The following NFYC variants were observed in gnomAD, a reference collection of about 807,000 sequenced individuals.
NFYC encodes the protein CAAT box DNA-binding protein subunit C.
In NFYC, 25 loss-of-function variants were observed where a neutral mutation model predicts 53.1. That is an observed-to-expected ratio of 0.47 (90% CI 0.34 to 0.66). The LOEUF (loss-of-function observed/expected upper bound fraction) is 0.66, where lower values mean the gene tolerates loss of function less well. NFYC is among the 30% of genes least tolerant of loss of function. NFYC has a pLI of 0.01. For synonymous variants in NFYC, 145 were observed against 152.6 expected, an observed-to-expected ratio of 0.95 and a Z score of 0.37; for missense variants, 260 against 422.7, an observed-to-expected ratio of 0.62 and a Z score of 3.38.
chr1:40,758,383 C>A, intron 6 of NFYC, 89 bp downstream of exon 6: 1 of 1,365,522 alleles, frequency 7.3e-7, no homozygotes, highest in South Asian at 1.5e-5. Context: ...AGAGAGGCAG[C>A]CAGATCATTA....
intron 4 of NFYC, among the ~76,000 whole-genome samples, chr1:40,752,907 T>C (rs113250363): frequency 0.027 from 4,136 of 152,146 alleles, 75 homozygotes; most frequent in Middle Eastern, 0.048. Context: ...TAGCAGTGGT[T>C]GGAGGCTCAG....
chr1:40,771,020 C>CT lies in NFYC; in HGVS notation c.*199dup, dbSNP rs1647061226. The stretch of plus-strand genomic sequence containing the variant: ...AGAAAGATGCAATATTTTTTGTTTC[C>CT]TTTTTTTCCATTTTTTTCTCTAAGG... On this transcript the variant is annotated 3_prime_UTR_variant, in exon 10 of 10. Coordinates refer to ENST00000447388, the MANE Select transcript of NFYC (RefSeq NM_014223.5). 5 of 611,292 alleles carry CT rather than the reference C, an allele frequency of 8.2e-6. No individual in the cohort carries two copies. In the East Asian group the frequency reaches 1.1e-4, roughly 14 times the overall value. The allele number at this position is 611,292 out of a possible 1,614,324, so 37.9% of individuals were successfully genotyped here.
chr1:40,766,592 C>A lies in NFYC; in HGVS notation c.721-4C>A. ...TGGTCTCTTTGTCTCTGCCCCTGCCCTAGGTGCAGCTGAATGCCGGCCAGC... is the reference window on the plus strand; with the variant it reads ...TGGTCTCTTTGTCTCTGCCCCTGCCATAGGTGCAGCTGAATGCCGGCCAGC... On this transcript the variant is annotated splice_polypyrimidine_tract_variant and splice_region_variant and intron_variant, in intron 7 of 9. Transcript: ENST00000447388. The A allele has an allele frequency of 6.2e-7, 1 of 1,611,682 alleles. No individual in the cohort carries two copies. The highest frequency in any genetic ancestry group is 1.3e-5 in the African/African-American group (1 of 74,982).
chr1:40,725,861 G>A (rs1309298942), intron 1 of NFYC, among the ~76,000 whole-genome samples: 1 of 152,170 alleles, frequency 6.6e-6, no homozygotes, highest in African/African-American at 2.4e-5. Context: ...GTTTCCCAGT[G>A]CAAATAGAAG....
intron 1 of NFYC, among the ~76,000 whole-genome samples, chr1:40,700,350 T>C (rs113320293): frequency 0.016 from 2,422 of 152,344 alleles, 25 homozygotes; most frequent in Non-Finnish European, 0.025. Context: ...TTACTTTAAT[T>C]AATTTTTTTG....
intron 2 of NFYC, among the ~76,000 whole-genome samples, chr1:40,741,757 C>G (rs755254352): frequency 3.3e-5 from 5 of 151,990 alleles, no homozygotes; most frequent in Admixed American, 1.3e-4. Flanking sequence ...TGCACGCCAC[C>G]ACACCCAGCT....
chr1:40,770,249 A>T lies in NFYC; in HGVS notation c.889-460A>T. 1.3e-6 allele frequency: 1 copy of T among 790,168 alleles called. No individual in the cohort carries two copies. The highest frequency in any genetic ancestry group is 2.0e-6 in the Non-Finnish European group (1 of 508,852). 48.9% of individuals were successfully genotyped at this position (790,168 alleles called of 1,614,324 possible). A position where few individuals can be genotyped will look rare whatever the true frequency, so the allele number is the denominator to read the frequency against. On this transcript the variant is annotated intron_variant, in intron 9 of 9. Transcript: ENST00000447388. The surrounding 1 kb of genome is among the most constrained non-coding windows in gnomAD (Gnocchi z 5.3). Reference sequence around the variant, plus strand: ...CATGGAGAAAATTCAAATTCAGTTTAGTTTCAACCTGAGCCAGATATTCTG... The same window carrying T: ...CATGGAGAAAATTCAAATTCAGTTTTGTTTCAACCTGAGCCAGATATTCTG...
chr1:40,762,178 AAGTT>A (rs1010381874), intron 6 of NFYC, among the ~76,000 whole-genome samples: 2 of 152,204 alleles, frequency 1.3e-5, no homozygotes, highest in African/African-American at 4.8e-5. Context: ...TATTTTTAGA[AAGTT>A]AGAGTTCTTG....
intron 5 of NFYC, among the ~76,000 whole-genome samples, chr1:40,756,341 TTTCC>T (rs1364034814): frequency 6.6e-6 from 1 of 152,220 alleles, no homozygotes; most frequent in African/African-American, 2.4e-5. Flanking sequence ...GGAATCTCCT[TTTCC>T]TTCTGCCTTA....
intron 6 of NFYC, among the ~76,000 whole-genome samples, chr1:40,762,047 G>A (rs923454136): frequency 5.3e-5 from 8 of 152,062 alleles, no homozygotes; most frequent in Admixed American, 3.9e-4. Context: ...GACCCTTTTG[G>A]CAGCTTGTGT....
chr1:40,765,684 A>G (rs1646776496), intron 7 of NFYC, among the ~76,000 whole-genome samples: 1 of 152,068 alleles, frequency 6.6e-6, no homozygotes, highest in Non-Finnish European at 1.5e-5. Flanking sequence ...TTTCCTCTAA[A>G]TTGAGGGTGT....
intron 8 of NFYC, chr1:40,767,239 A>C: frequency 3.1e-5 from 14 of 447,500 alleles, no homozygotes; most frequent in East Asian, 4.4e-5. Context: ...GTTGAGGGAC[A>C]TGGGTATTAC....
At chr1:40,731,587 C>G (rs562433848) in intron 1 of NFYC, among the ~76,000 whole-genome samples, 1 of 151,982 alleles carries the variant, frequency 6.6e-6, no homozygotes, top group Admixed American at 6.6e-5. Flanking sequence ...TGGATTCAAG[C>G]GATTCCCCCG....
chr1:40,756,455 A>G (rs958717553), intron 5 of NFYC, among the ~76,000 whole-genome samples: 3 of 152,218 alleles, frequency 2.0e-5, no homozygotes, highest in Non-Finnish European at 2.9e-5. Context: ...CCAGAATGTT[A>G]CAGGTATCTC....
At chr1:40,733,729 C>T (rs1644884172) in intron 1 of NFYC, among the ~76,000 whole-genome samples, 1 of 150,702 alleles carries the variant, frequency 6.6e-6, no homozygotes, top group Non-Finnish European at 1.5e-5. Context: ...GCCACAATGC[C>T]TATTTAAAAA....
intron 1 of NFYC, among the ~76,000 whole-genome samples, chr1:40,737,351 T>C (rs192312300): frequency 0.067 from 9,974 of 148,622 alleles, 597 homozygotes; most frequent in African/African-American, 0.16. Flanking sequence ...TTTTTTGCGA[T>C]GGAGTCTTGC....
chr1:40,742,722 C>T (rs1351049438), intron 2 of NFYC, among the ~76,000 whole-genome samples: 2 of 152,200 alleles, frequency 1.3e-5, no homozygotes, highest in Non-Finnish European at 2.9e-5. Context: ...TTAGACTCCA[C>T]TTCAGGTTTA....
chr1:40,725,037 A>G (rs563495375), intron 1 of NFYC, among the ~76,000 whole-genome samples: 3 of 152,324 alleles, frequency 2.0e-5, no homozygotes, highest in East Asian at 3.9e-4. Context: ...TCATTCTTGT[A>G]TTATAGTAGT....
intron 2 of NFYC, among the ~76,000 whole-genome samples, chr1:40,746,982 A>G (rs1449633018): frequency 6.6e-6 from 1 of 152,214 alleles, no homozygotes; most frequent in Middle Eastern, 3.2e-3. Context: ...GTGATGAGAA[A>G]GGAGCTCTCC....
Sources: gnomAD v4.1 joint callset for allele counts (sites outside exome capture counted in the v4.1 genomes callset) on GRCh38, gnomAD v4.1.1 for gene constraint, Gnocchi (gnomAD v3.1) non-coding constraint, MANE v1.5 for transcripts, NCBI Gene and HGNC (gene_info 2026-07-23, HGNC 2026-07-21) for gene names.